Variants in ASIC2 observed in about 807,000 individuals in gnomAD.
The protein encoded by ASIC2 is acid sensing ion channel subunit 2, also known as acid-sensing ion channel 2.
A neutral mutation model predicts 57.3 loss-of-function variants in ASIC2; 25 were observed. The ratio of observed to expected loss-of-function variants is 0.44; its 90% CI spans 0.32 to 0.61. The LOEUF (loss-of-function observed/expected upper bound fraction) is 0.61. Ranked by LOEUF, ASIC2 falls within the 20% of genes least tolerant of loss-of-function variation. The pLI is 0.06. For missense variants in ASIC2, 641 were observed against 738.1 expected, an observed-to-expected ratio of 0.87 and a Z score of 1.52; for synonymous variants, 319 against 307.5, an observed-to-expected ratio of 1.04 and a Z score of -0.39.
intron 1 of ASIC2, among the ~76,000 whole-genome samples, chr17:33,387,569 G>A (rs544115695): frequency 8.5e-5 from 13 of 152,294 alleles, no homozygotes; most frequent in African/African-American, 1.9e-4. Flanking sequence ...GCGCGCCTGC[G>A]CCACTCCCAC....
chr17:33,849,619 C>T (rs1416687451), intron 1 of ASIC2, among the ~76,000 whole-genome samples: 1 of 152,152 alleles, frequency 6.6e-6, no homozygotes, highest in African/African-American at 2.4e-5. Context: ...GGGAGGAAGC[C>T]TTCCCCTTGA....
intron 1 of ASIC2, among the ~76,000 whole-genome samples, chr17:33,901,048 GT>G (rs887079867): frequency 2.0e-5 from 3 of 152,160 alleles, no homozygotes; most frequent in African/African-American, 4.8e-5. Context: ...ATCTAGCCAC[GT>G]GTAATATCCT....
At chr17:33,243,961 C>T (rs372021476) in intron 1 of ASIC2, among the ~76,000 whole-genome samples, 1 of 152,212 alleles carries the variant, frequency 6.6e-6, no homozygotes, top group African/African-American at 2.4e-5. Context: ...CTCTGGGCCT[C>T]TGTTTTCCCT....
At chr17:33,518,399 G>A (rs1914637541) in intron 1 of ASIC2, among the ~76,000 whole-genome samples, 1 of 152,216 alleles carries the variant, frequency 6.6e-6, no homozygotes, top group Non-Finnish European at 1.5e-5. Context: ...GTGGCAGGGG[G>A]CAAGGCCAAA....
chr17:34,074,880 G>A (rs915620390), intron 1 of ASIC2, among the ~76,000 whole-genome samples: 3 of 150,566 alleles, frequency 2.0e-5, no homozygotes, highest in Admixed American at 6.6e-5. Context: ...CCATCTCCAG[G>A]GTTCAAGTGA....
At chr17:33,916,394 G>A (rs1373736731) in intron 1 of ASIC2, among the ~76,000 whole-genome samples, 1 of 152,164 alleles carries the variant, frequency 6.6e-6, no homozygotes, top group Non-Finnish European at 1.5e-5. Flanking sequence ...AGCCCACCCA[G>A]AGAGGTGGAG....
intron 1 of ASIC2, among the ~76,000 whole-genome samples, chr17:33,878,116 A>G (rs1280265650): frequency 6.6e-6 from 1 of 152,226 alleles, no homozygotes; most frequent in Non-Finnish European, 1.5e-5. Flanking sequence ...GTACGTCACC[A>G]TCATCAAAGA....
At chr17:34,110,095 G>A (rs1911215818) in intron 1 of ASIC2, among the ~76,000 whole-genome samples, 1 of 152,034 alleles carries the variant, frequency 6.6e-6, no homozygotes, top group Admixed American at 6.6e-5. Context: ...CACCTCTGAT[G>A]TACCCCTTCC....
chr17:34,075,762 T>C (rs999474174), intron 1 of ASIC2, among the ~76,000 whole-genome samples: 1 of 151,908 alleles, frequency 6.6e-6, no homozygotes, highest in Admixed American at 6.6e-5. Flanking sequence ...CCGGCTGTTA[T>C]CTTGGTTCAG....
At chr17:33,888,404 C>T (rs1241733085) in intron 1 of ASIC2, among the ~76,000 whole-genome samples, 2 of 152,176 alleles carry the variant, frequency 1.3e-5, no homozygotes, top group Middle Eastern at 3.4e-3. Context: ...CATAAGATTC[C>T]AGGACTTCTT....
At chr17:33,202,070 C>T (rs1051600931) in intron 1 of ASIC2, among the ~76,000 whole-genome samples, 10 of 151,616 alleles carry the variant, frequency 6.6e-5, no homozygotes, top group Admixed American at 1.3e-4. Context: ...AAAAAGGTGC[C>T]GTCTAACACT....
chr17:33,731,708 A>T (rs1224915960), intron 1 of ASIC2, among the ~76,000 whole-genome samples: 1 of 152,204 alleles, frequency 6.6e-6, no homozygotes, highest in East Asian at 1.9e-4. Flanking sequence ...CTCATCCCTA[A>T]ATCATAAGTG....
intron 1 of ASIC2, among the ~76,000 whole-genome samples, chr17:33,865,771 A>C (rs867633053): frequency 0.02 from 1,652 of 80,748 alleles, 25 homozygotes; most frequent in African/African-American, 0.072. Flanking sequence ...AAAAAAAAAA[A>C]CAAAAAAAAA....
chr17:33,468,274 G>T lies in ASIC2; in HGVS notation c.556-356207C>A, dbSNP rs1912927585. 2.6e-5 allele frequency among the ~76,000 whole-genome samples: 4 copies of T among 152,298 alleles called. No homozygotes were observed. The South Asian group carries it at 8.3e-4, about 32-fold the overall frequency. On this transcript the variant is annotated intron_variant, in intron 1 of 9. Coordinates refer to the ASIC2 transcript ENST00000359872. ...AGCCATCAAAGCACAATGGAAATGG[G>T]AGATGATGGCGGTGGTTGAGGAGGC...
At chr17:33,291,380 G>A (rs1453446021) in intron 1 of ASIC2, 28 bp downstream of exon 1, 2 of 1,574,248 alleles carry the variant, frequency 1.3e-6, no homozygotes, top group Non-Finnish European at 1.7e-6. Context: ...GGCGCAGAGG[G>A]AGCGGGTTCG....
chr17:33,041,814 G>A (rs1173286803), intron 3 of ASIC2, among the ~76,000 whole-genome samples: 4 of 152,216 alleles, frequency 2.6e-5, no homozygotes, highest in Non-Finnish European at 4.4e-5. Flanking sequence ...AGGATTTCCA[G>A]TGTGATCTTG....
At chr17:33,199,456 A>G (rs1016567494) in intron 1 of ASIC2, among the ~76,000 whole-genome samples, 1 of 152,176 alleles carries the variant, frequency 6.6e-6, no homozygotes, top group Non-Finnish European at 1.5e-5. Flanking sequence ...AGCTCCCTAC[A>G]TTTGGGCTGG....
chr17:34,060,343 A>G (rs1240518883), intron 1 of ASIC2, among the ~76,000 whole-genome samples: 1 of 152,220 alleles, frequency 6.6e-6, no homozygotes, highest in African/African-American at 2.4e-5. Context: ...GAATCTGAAC[A>G]ACAGCCTTCA....
At chr17:33,630,056 AGGCCCACCAGC>A (rs1906110886) in intron 1 of ASIC2, among the ~76,000 whole-genome samples, 1 of 152,126 alleles carries the variant, frequency 6.6e-6, no homozygotes. Context: ...AGGTCTCTCT[AGGCCCACCAGC>A]GGCCATCTCT....
Sources: allele counts gnomAD v4.1 joint callset (sites outside exome capture counted in the v4.1 genomes callset), GRCh38; gene constraint gnomAD v4.1.1; transcripts MANE v1.5; gene names NCBI Gene and HGNC (gene_info 2026-07-23, HGNC 2026-07-21).